Variants in HID1 observed in about 807,000 individuals in gnomAD.
HID1 encodes the protein protein HID1.
In HID1, 42 loss-of-function variants were observed where a neutral mutation model predicts 89.7. That is an observed-to-expected ratio of 0.47 (90% CI 0.37 to 0.61). The LOEUF (loss-of-function observed/expected upper bound fraction) is 0.61, where lower values mean the gene tolerates loss of function less well. Among genes scored for constraint, HID1 ranks in the 20% least tolerant of loss-of-function variants. HID1 has a pLI of 0.00. For missense variants in HID1, 854 were observed against 1,039.3 expected, an observed-to-expected ratio of 0.82 and a Z score of 2.45; for synonymous variants, 442 against 433.8, an observed-to-expected ratio of 1.02 and a Z score of -0.24.
In HID1 at chr17:74,972,711, C is replaced by T. The variant is rs1054758219; in HGVS notation, c.-55G>A. 2 of 1,468,224 alleles carry T rather than the reference C, an allele frequency of 1.4e-6. No homozygotes were observed. Among genetic ancestry groups the T allele is most frequent in the African/African-American group, 2.9e-5 (2 of 68,064 alleles). 90.9% of individuals were successfully genotyped at this position (1,468,224 alleles called of 1,614,324 possible). A position where few individuals can be genotyped will look rare whatever the true frequency, so the allele number is the denominator to read the frequency against. On this transcript the variant is annotated 5_prime_UTR_variant, in exon 1 of 19. Transcript: ENST00000425042. This position sits in a 1 kb window ranked among gnomAD's most constrained non-coding sequence, Gnocchi z 6.4. ...CGCCCAGACTCCAACCCGGCTCCGG[C>T]TTCAGCTCCGGCTCCAGCTCCGCGG...
intron 13 of HID1, 51 bp from the exon 14 acceptor site, chr17:74,954,416 C>T: frequency 6.5e-7 from 1 of 1,547,710 alleles, no homozygotes; most frequent in Non-Finnish European, 8.7e-7. Context: ...CCAGCTCCCC[C>T]CGTCCAATCT....
intron 1 of HID1, among the ~76,000 whole-genome samples, chr17:74,971,833 G>A (rs1377952772): frequency 6.6e-6 from 1 of 152,196 alleles, no homozygotes; most frequent in Admixed American, 6.5e-5. Flanking sequence ...TAGGCTGGAG[G>A]GTCCTTAGGC....
chr17:74,952,655 G>C (rs1288970582), intron 16 of HID1, among the ~76,000 whole-genome samples: 1 of 152,204 alleles, frequency 6.6e-6, no homozygotes, highest in Non-Finnish European at 1.5e-5. Flanking sequence ...AGCGCAACTG[G>C]CGTGATCTCA....
chr17:74,963,950 G>A (rs767922771), intron 2 of HID1, 40 bp from the exon 3 acceptor site: 16 of 1,609,706 alleles, frequency 9.9e-6, no homozygotes, highest in African/African-American at 1.3e-5. Context: ...GCTGGAAGGT[G>A]GGGAAAGGAC....
intron 15 of HID1, 51 bp from the exon 16 acceptor site, chr17:74,953,137 G>T (rs2039332588): frequency 1.4e-6 from 2 of 1,406,882 alleles, no homozygotes; most frequent in Non-Finnish European, 2.0e-6. Context: ...TGGGTGAGGG[G>T]TGGAGTGGGG....
Position 74,963,079 on chromosome 17 carries a change from C to T in HID1, c.390G>A (p.Gln130=). Residue 130 remains glutamine, a splice_region_variant and synonymous_variant, in exon 4 of 19, where the codon CAG becomes CAA. Transcript: ENST00000425042. ...TGGCATGCTCATCATCCTCTTCTCC[C>T]TGCTGGGGACACAGCACCCACAGGC... The part of the protein sequence containing the change: ...STVPGAGRGG[Q]GEEDDEHARP... 6.2e-7 allele frequency: 1 copy of T among 1,600,304 alleles called. No homozygotes were observed. The highest frequency in any genetic ancestry group is 8.5e-7 in the Non-Finnish European group (1 of 1,172,368).
chr17:74,956,871 G>A (rs1339405996), intron 12 of HID1, among the ~76,000 whole-genome samples: 3 of 152,218 alleles, frequency 2.0e-5, no homozygotes, highest in Non-Finnish European at 4.4e-5. Flanking sequence ...GTGGGGGTAG[G>A]GGCTGGACAG....
Position 74,962,009 on chromosome 17 carries a change from G to A in HID1, c.612-20C>T. Reference sequence around the variant, plus strand: ...TCCATCCTTGTAGGAGGAAGGGGGAGGGCACCTTAGGATCCCAGTCCCCTC... The same window carrying A: ...TCCATCCTTGTAGGAGGAAGGGGGAAGGCACCTTAGGATCCCAGTCCCCTC... On this transcript the variant is annotated intron_variant, in intron 5 of 18. Transcript: ENST00000425042. This position sits in a 1 kb window ranked among gnomAD's most constrained non-coding sequence, Gnocchi z 4.3. 1 of 1,513,340 alleles carries A rather than the reference G, an allele frequency of 6.6e-7. No individual in the cohort carries two copies. Among genetic ancestry groups the A allele is most frequent in the Admixed American group, 2.1e-5 (1 of 48,406 alleles). 93.7% of individuals were successfully genotyped at this position (1,513,340 alleles called of 1,614,324 possible).
intron 14 of HID1, 149 bp from the exon 15 acceptor site, chr17:74,953,800 C>G (rs552840624): frequency 3.1e-5 from 21 of 682,828 alleles, no homozygotes; most frequent in Non-Finnish European, 4.6e-5. Flanking sequence ...ATCACTGTAA[C>G]GCCCTCTCCT....
chr17:74,953,791 T>G, intron 14 of HID1, 140 bp from the exon 15 acceptor site: 1 of 701,588 alleles, frequency 1.4e-6, no homozygotes, highest in Non-Finnish European at 2.5e-6. Flanking sequence ...CAGTGTCTGA[T>G]CACTGTAACG....
chr17:74,966,620 C>T (rs542939640), intron 1 of HID1, among the ~76,000 whole-genome samples: 2 of 152,138 alleles, frequency 1.3e-5, no homozygotes, highest in African/African-American at 4.8e-5. Flanking sequence ...ATACATGTTA[C>T]TCTTATCATC....
intron 2 of HID1, chr17:74,964,225 G>C (rs938256411): frequency 1.7e-6 from 1 of 595,878 alleles, no homozygotes; most frequent in African/African-American, 1.9e-5. Context: ...GACCCTGGCA[G>C]TACCCACCCC....
intron 2 of HID1, 197 bp downstream of exon 2, chr17:74,964,286 G>T: frequency 1.6e-6 from 1 of 629,710 alleles, no homozygotes; most frequent in Non-Finnish European, 2.8e-6. Flanking sequence ...GTCAGATGTG[G>T]CCTGGAGGAC....
intron 1 of HID1, among the ~76,000 whole-genome samples, chr17:74,970,305 A>C (rs1288758951): frequency 1.3e-5 from 2 of 151,842 alleles, no homozygotes; most frequent in Non-Finnish European, 2.9e-5. Flanking sequence ...GTATCTTTTG[A>C]CTCTCAGGGT....
Position 74,959,425 on chromosome 17 carries a change from C to T in HID1, c.1009-374G>A, listed in dbSNP as rs966862995. ...TCTACCCCTCCCCAAAATACTCCCC[C>T]ATCACCCCATCACAACTCGAGGAGC... On this transcript the variant is annotated intron_variant, in intron 8 of 18. Coordinates refer to ENST00000425042, the MANE Select transcript of HID1 (RefSeq NM_030630.3). This position sits in a 1 kb window ranked among gnomAD's most constrained non-coding sequence, Gnocchi z 4.6. 6.6e-6 allele frequency among the ~76,000 whole-genome samples: 1 copy of T among 152,136 alleles called. No individual in the cohort carries two copies.
At position 74,963,061 on chromosome 17, in the gene HID1, C is replaced by T. The variant is rs2039508714; in HGVS notation, c.408G>A (p.Glu136=). 5 of 1,610,410 alleles carry T rather than the reference C, an allele frequency of 3.1e-6. No homozygotes were observed. The South Asian group carries it at 4.4e-5, about 14-fold the overall frequency. Residue 136 remains glutamate (E), a synonymous_variant, in exon 4 of 19, where the codon GAG becomes GAA. Coordinates refer to ENST00000425042, the MANE Select transcript of HID1 (RefSeq NM_030630.3). ...GGGACTCGGCCAGGGGCCTGGCATG[C>T]TCATCATCCTCTTCTCCCTGCTGGG... The part of the protein sequence containing the change: ...GRGGQGEEDD[E]HARPLAESLL...
intron 1 of HID1, among the ~76,000 whole-genome samples, chr17:74,968,650 G>A (rs114719903): frequency 8.5e-5 from 13 of 152,246 alleles, no homozygotes; most frequent in Admixed American, 5.2e-4. Context: ...TCCCTGGAGC[G>A]CAGGGACATG....
rs777599097 is a variant in HID1 at position 74,958,730 on chromosome 17, C to T, written c.1183G>A (p.Val395Ile). 7.3e-5 allele frequency: 117 copies of T among 1,609,348 alleles called. No homozygotes were observed. Among genetic ancestry groups the T allele is most frequent in the Non-Finnish European group, 8.8e-5 (104 of 1,179,258 alleles). ...AGGATGGGGACAAGGATGTCTAGGA[C>T]GTCGCTGCTCTTCAGCACGAAGAAG... ...FLFFVLKSSD[V>I]LDILVPILFF... The change falls in exon 10 of 19, where the codon GTC becomes ATC. Residue 395 changes from valine to isoleucine, a missense_variant. By Grantham distance (29) the Val-to-Ile change is conservative. Transcript: ENST00000425042. The surrounding 1 kb of genome is among the most constrained non-coding windows in gnomAD (Gnocchi z 5.2).
rs757459848 is a variant in HID1, at chr17:74,959,899, G to T, written c.990C>A (p.Ser330=). 1.9e-6 allele frequency: 3 copies of T among 1,613,594 alleles called. No individual in the cohort carries two copies. The highest frequency in any genetic ancestry group is 2.5e-6 in the Non-Finnish European group (3 of 1,180,030). ...GACTTGCCTCCTCACGATGGATGCG[G>T]GACAGGTAGTTCACAAACAGGTTCT... is the stretch of plus-strand genomic sequence containing the variant. ...GPENLFVNYL[S]RIHREEDFQF... The change falls in exon 8 of 19, where the codon TCC becomes TCA. Residue 330 remains serine, a synonymous_variant. Transcript: ENST00000425042. This position sits in a 1 kb window ranked among gnomAD's most constrained non-coding sequence, Gnocchi z 4.6.
Sources: allele counts gnomAD v4.1 joint callset (sites outside exome capture counted in the v4.1 genomes callset), GRCh38; gene constraint gnomAD v4.1.1; non-coding constraint Gnocchi (gnomAD v3.1); transcripts MANE v1.5; gene names NCBI Gene and HGNC (gene_info 2026-07-23, HGNC 2026-07-21).